Variants in TMEM131 observed in about 807,000 individuals in gnomAD.
TMEM131 encodes transmembrane protein 131, also known as 2610524E03Rik.
In TMEM131, 66 loss-of-function variants were observed where a neutral mutation model predicts 211.6. The observed-to-expected ratio is 0.31, with a 90% CI of 0.26 to 0.38. The LOEUF (loss-of-function observed/expected upper bound fraction) is 0.38, where lower values mean the gene tolerates loss of function less well. TMEM131 is among the 10% of genes least tolerant of loss of function. The probability of loss-of-function intolerance (pLI) is 1.00; values close to 1 mark genes in which losing one functional copy is unlikely to be tolerated. For synonymous variants in TMEM131, 844 were observed against 841.3 expected (o/e 1.00, Z -0.06); for missense variants, 2,036 against 2,299.3 (o/e 0.89, Z 2.34).
At chr2:97,874,000 T>C (rs534701711) in intron 4 of TMEM131, among the ~76,000 whole-genome samples, 5 of 152,244 alleles carry the variant, frequency 3.3e-5, no homozygotes, top group Non-Finnish European at 7.4e-5. Context: ...AATTGTTAAC[T>C]AGAATAACCA....
chr2:97,891,255 TAA>T (rs745991451), intron 3 of TMEM131, among the ~76,000 whole-genome samples: 15 of 152,316 alleles, frequency 9.8e-5, no homozygotes, highest in Admixed American at 4.6e-4. Flanking sequence ...CCCTGATTTT[TAA>T]AATTATTATT....
chr2:97,796,751 G>A, intron 27 of TMEM131, 93 bp downstream of exon 27: 1 of 1,261,204 alleles, frequency 7.9e-7, no homozygotes, highest in Non-Finnish European at 1.1e-6. Context: ...ATATACACAG[G>A]TGCACATACA....
At chr2:97,947,409 G>C (rs1321434937) in intron 1 of TMEM131, among the ~76,000 whole-genome samples, 3 of 151,944 alleles carry the variant, frequency 2.0e-5, no homozygotes, top group Non-Finnish European at 4.4e-5. Flanking sequence ...GATTAGGAAA[G>C]TAGGAAAATG....
chr2:97,965,995 A>G (rs1310248802), intron 1 of TMEM131, among the ~76,000 whole-genome samples: 1 of 152,134 alleles, frequency 6.6e-6, no homozygotes, highest in East Asian at 1.9e-4. Context: ...GAAAGTAAGC[A>G]AAGCCTAGAA....
intron 32 of TMEM131, among the ~76,000 whole-genome samples, chr2:97,773,872 A>G (rs1233784197): frequency 6.6e-6 from 1 of 152,158 alleles, no homozygotes; most frequent in Non-Finnish European, 1.5e-5. Context: ...TGGGCTGTGT[A>G]CTAAAAGCAA....
At position 97,792,961 on chromosome 2, in the gene TMEM131, G is replaced by A. The variant is rs769402990; in HGVS notation, c.3569C>T (p.Pro1190Leu). 2 of 1,593,158 alleles carry A rather than the reference G, an allele frequency of 1.3e-6. No homozygotes were observed. The highest frequency in any genetic ancestry group is 1.7e-5 in the Admixed American group (1 of 58,184). The stretch of plus-strand genomic sequence containing the variant: ...TCCACAGAACCCCCTACTGTGACCG[G>A]GGTCACAGCTGAGTGTGTTCAAGCT... ...EGNLNTLSCD[P>L]GHSRGFCGAG... Residue 1190 changes from proline to leucine, a missense_variant, in exon 31 of 41, where the codon CCC becomes CTC. By Grantham distance (98) the Pro-to-Leu change is moderately conservative. This residue lies in a region of TMEM131 where 1,623 missense variants were observed against 1,805.9 expected (regional missense o/e 0.90). Coordinates refer to ENST00000186436, the MANE Select transcript of TMEM131 (RefSeq NM_015348.2).
At chr2:97,847,448 C>T (rs1683505348) in intron 5 of TMEM131, among the ~76,000 whole-genome samples, 1 of 152,138 alleles carries the variant, frequency 6.6e-6, no homozygotes, top group Admixed American at 6.5e-5. Flanking sequence ...ATAACACACA[C>T]ACAAAGAAAT....
chr2:97,842,599 A>C (rs1683249572), intron 6 of TMEM131, among the ~76,000 whole-genome samples: 1 of 152,132 alleles, frequency 6.6e-6, no homozygotes, highest in East Asian at 1.9e-4. Flanking sequence ...CTAATGTGTA[A>C]TCCAGTGAGA....
At chr2:97,959,308 T>C (rs1678710648) in intron 1 of TMEM131, among the ~76,000 whole-genome samples, 1 of 152,130 alleles carries the variant, frequency 6.6e-6, no homozygotes, top group African/African-American at 2.4e-5. Context: ...AGGTCATCTG[T>C]GTCTCTGGGG....
At chr2:97,767,270 C>A (rs1331126504) in intron 33 of TMEM131, among the ~76,000 whole-genome samples, 1 of 152,048 alleles carries the variant, frequency 6.6e-6, no homozygotes, top group Non-Finnish European at 1.5e-5. Flanking sequence ...AGATAATAAG[C>A]ATGTATAAAT....
At position 97,794,178 on chromosome 2, in the gene TMEM131, G is replaced by T. The variant is rs1384059795; in HGVS notation, c.3387-625C>A. Among the ~76,000 whole-genome samples, 4 of 151,656 alleles carry T rather than the reference G, an allele frequency of 2.6e-5. 1 individual carries two copies. The highest frequency in any genetic ancestry group is 9.7e-5 in the African/African-American group (4 of 41,290). On this transcript the variant is annotated intron_variant, in intron 29 of 40. Coordinates refer to ENST00000186436, the MANE Select transcript of TMEM131 (RefSeq NM_015348.2). ...GCCTCCCCAGTAGCTGGGATTATAG[G>T]GATGCATCACCACATCCGGCTAATT...
chr2:97,898,950 G>T (rs1675734653), intron 3 of TMEM131, among the ~76,000 whole-genome samples: 1 of 151,412 alleles, frequency 6.6e-6, no homozygotes. Context: ...ATACCTATTA[G>T]GTCAAGTTAC....
At chr2:97,928,024 G>C (rs1447032025) in intron 1 of TMEM131, among the ~76,000 whole-genome samples, 2 of 152,162 alleles carry the variant, frequency 1.3e-5, no homozygotes, top group African/African-American at 4.8e-5. Context: ...ATATTTAAAA[G>C]CTAACATAGT....
chr2:97,887,731 AT>A (rs34210776), intron 4 of TMEM131: 57,291 of 216,568 alleles, frequency 0.26, 8,378 homozygotes, highest in Middle Eastern at 0.34. Flanking sequence ...TCATAAGAAG[AT>A]TTTTAAATAG....
At chr2:97,911,664 C>A (rs1249520382) in intron 2 of TMEM131, 1 of 984,944 alleles carries the variant, frequency 1.0e-6, no homozygotes, top group African/African-American at 1.7e-5. Context: ...ATACTCAATG[C>A]AAAGGATCTG....
intron 11 of TMEM131, among the ~76,000 whole-genome samples, chr2:97,831,800 G>A (rs966704675): frequency 6.7e-6 from 1 of 148,718 alleles, no homozygotes; most frequent in Non-Finnish European, 1.5e-5. Flanking sequence ...TTGAGTAGCT[G>A]GTACTACAGG....
At chr2:97,995,394 C>A in intron 1 of TMEM131, 82 bp downstream of exon 1, 1 of 1,255,348 alleles carries the variant, frequency 8.0e-7, no homozygotes, top group Non-Finnish European at 1.0e-6. Context: ...GGCCGCGGCC[C>A]TTCCTCCCGG....
chr2:97,884,113 T>C (rs1300643648), intron 4 of TMEM131, among the ~76,000 whole-genome samples: 1 of 152,234 alleles, frequency 6.6e-6, no homozygotes, highest in Non-Finnish European at 1.5e-5. Context: ...GGTTTTGGTA[T>C]ATTGTATTTC....
intron 1 of TMEM131, among the ~76,000 whole-genome samples, chr2:97,933,589 T>A (rs558691358): frequency 6.6e-6 from 1 of 152,232 alleles, no homozygotes; most frequent in African/African-American, 2.4e-5. Context: ...AAAATAGTTA[T>A]AAATGCTGAA....
Sources: allele counts gnomAD v4.1 joint callset (sites outside exome capture counted in the v4.1 genomes callset), GRCh38; gene constraint gnomAD v4.1.1; regional missense constraint gnomAD v4.1.1; transcripts MANE v1.5; gene names NCBI Gene and HGNC (gene_info 2026-07-23, HGNC 2026-07-21).